The following SMC1B variants were observed in gnomAD, a reference collection of about 807,000 sequenced individuals.
SMC1B encodes the protein structural maintenance of chromosomes 1B.
A neutral mutation model predicts 157.9 loss-of-function variants in SMC1B; 60 were observed. The observed-to-expected ratio is 0.38, with a 90% CI of 0.31 to 0.47. The LOEUF (loss-of-function observed/expected upper bound fraction) is 0.47, where lower values mean the gene tolerates loss of function less well. SMC1B is among the 20% of genes least tolerant of loss of function. The probability of loss-of-function intolerance (pLI) is 0.99; values close to 1 mark genes in which losing one functional copy is unlikely to be tolerated. For synonymous variants in SMC1B, 445 were observed against 483.0 expected, an observed-to-expected ratio of 0.92 and a Z score of 1.03; for missense variants, 1,165 against 1,426.2, an observed-to-expected ratio of 0.82 and a Z score of 2.95.
chr22:45,393,598 T>C, intron 9 of SMC1B, 36 bp downstream of exon 9: 1 of 1,489,010 alleles, frequency 6.7e-7, no homozygotes, highest in Non-Finnish European at 9.2e-7. Flanking sequence ...GAAAGCTTAG[T>C]TTTTTTTGTT....
intron 23 of SMC1B, 145 bp from the exon 24 acceptor site, chr22:45,345,714 C>G (rs866091739): frequency 1.7e-6 from 1 of 588,644 alleles, no homozygotes; most frequent in South Asian, 2.1e-5. Context: ...AAATCCTCAA[C>G]AACTGCAGAA....
chr22:45,408,554 C>T (rs2087291151), intron 2 of SMC1B, among the ~76,000 whole-genome samples, 156 bp downstream of exon 2: 1 of 152,110 alleles, frequency 6.6e-6, no homozygotes, highest in Non-Finnish European at 1.5e-5. Flanking sequence ...CAAACAGGTT[C>T]TGTTACTTGC....
intron 13 of SMC1B, 25 bp downstream of exon 13, chr22:45,372,130 C>T (rs779988590): frequency 8.3e-6 from 13 of 1,560,884 alleles, no homozygotes; most frequent in Non-Finnish European, 1.0e-5. Context: ...AAATGCCTAT[C>T]ATATTTTATG....
chr22:45,403,391 C>T (rs2087218859), intron 4 of SMC1B, among the ~76,000 whole-genome samples: 1 of 152,174 alleles, frequency 6.6e-6, no homozygotes, highest in South Asian at 2.1e-4. Context: ...CTACTATGAG[C>T]CAGGTGCTGG....
intron 5 of SMC1B, 119 bp downstream of exon 5, chr22:45,402,214 A>G: frequency 1.3e-6 from 1 of 765,260 alleles, no homozygotes; most frequent in Non-Finnish European, 2.1e-6. Flanking sequence ...CTGTATATCT[A>G]AAAGTATTCC....
In SMC1B at chr22:45,362,940, T is replaced by C. The variant is rs2086736134; in HGVS notation, c.2507A>G (p.Asn836Ser). ...TTTCTGGATAGTTTCTTTTAATGTG[T>C]TGATCTTATTCAGTTTCTTCTTAAG... The part of the protein sequence containing the change: ...SHLKKKLNKI[N>S]TLKETIQKGS... Residue 836 changes from asparagine to serine, a missense_variant, in exon 16 of 25, where the codon AAC becomes AGC. By Grantham distance (46) the Asn-to-Ser change is conservative. Coordinates refer to ENST00000357450, the MANE Select transcript of SMC1B (RefSeq NM_148674.5). The C allele has an allele frequency of 1.2e-6, 2 of 1,604,052 alleles. No individual in the cohort carries two copies. The highest frequency in any genetic ancestry group is 1.7e-6 in the Non-Finnish European group (2 of 1,174,918).
intron 14 of SMC1B, among the ~76,000 whole-genome samples, chr22:45,371,268 T>G (rs560554561): frequency 6.6e-6 from 1 of 152,278 alleles, no homozygotes; most frequent in East Asian, 1.9e-4. Flanking sequence ...CAGGTCATTG[T>G]CTCTTGAGGT....
At chr22:45,358,617 C>T in intron 19 of SMC1B, 80 bp downstream of exon 19, 2 of 879,690 alleles carry the variant, frequency 2.3e-6, no homozygotes, top group South Asian at 1.8e-5. Flanking sequence ...AAACTTAATT[C>T]TATCATCCAA....
intron 24 of SMC1B, among the ~76,000 whole-genome samples, chr22:45,345,030 A>G (rs1474353394): frequency 6.6e-6 from 1 of 152,214 alleles, no homozygotes; most frequent in Non-Finnish European, 1.5e-5. Flanking sequence ...TTCACATTTT[A>G]GAAGTTACTA....
intron 15 of SMC1B, among the ~76,000 whole-genome samples, chr22:45,366,859 G>C (rs549490219): frequency 6.6e-6 from 1 of 152,070 alleles, no homozygotes; most frequent in African/African-American, 2.4e-5. Flanking sequence ...TTTCTCTTCT[G>C]TCTTTTCCTG....
chr22:45,398,451 T>A (rs2087152779), intron 6 of SMC1B, among the ~76,000 whole-genome samples: 1 of 152,016 alleles, frequency 6.6e-6, no homozygotes, highest in Admixed American at 6.6e-5. Context: ...TGACAGGGTG[T>A]CTCCTGCAGT....
chr22:45,408,681 TA>T, intron 2 of SMC1B, 28 bp downstream of exon 2: 1 of 1,508,668 alleles, frequency 6.6e-7, no homozygotes, highest in South Asian at 1.3e-5. Context: ...TCTTGAAAAA[TA>T]AAATGAAAAA....
intron 24 of SMC1B, 95 bp downstream of exon 24, chr22:45,345,364 A>G (rs940220613): frequency 1.5e-5 from 10 of 671,338 alleles, no homozygotes; most frequent in Non-Finnish European, 2.3e-5. Context: ...ATTAGACTCC[A>G]TTTGGAAGTT....
In SMC1B at chr22:45,367,335, G is replaced by T. The variant is rs138224018; in HGVS notation, c.2420+2619C>A. 4.1e-4 allele frequency among the ~76,000 whole-genome samples: 63 copies of T among 152,254 alleles called. 2 individuals carry two copies. In the East Asian group the frequency reaches 0.011, roughly 27 times the overall value. On this transcript the variant is annotated intron_variant, in intron 15 of 24. Coordinates refer to ENST00000357450, the MANE Select transcript of SMC1B (RefSeq NM_148674.5). ...CTCACTGCCTGCTTTTTGGCACCAG[G>T]TGATGCCTTAAGCTCAGGTTTGCTT...
intron 1 of SMC1B, among the ~76,000 whole-genome samples, chr22:45,410,065 A>C (rs1416357284): frequency 2.6e-5 from 4 of 152,212 alleles, no homozygotes; most frequent in Non-Finnish European, 5.9e-5. Context: ...TGGAGGAATG[A>C]AGCACTGAGT....
At chr22:45,401,798 T>C (rs1021811576) in intron 5 of SMC1B, among the ~76,000 whole-genome samples, 6 of 152,204 alleles carry the variant, frequency 3.9e-5, no homozygotes, top group African/African-American at 1.4e-4. Flanking sequence ...CCTCACTCCT[T>C]GTGTGTCTGC....
intron 8 of SMC1B, 65 bp downstream of exon 8, chr22:45,394,620 G>C: frequency 7.0e-7 from 1 of 1,428,782 alleles, no homozygotes; most frequent in Non-Finnish European, 9.2e-7. Flanking sequence ...TGGGCGATGG[G>C]AGTGAGACCC....
chr22:45,372,391 C>G, intron 12 of SMC1B, 99 bp from the exon 13 acceptor site: 1 of 989,642 alleles, frequency 1.0e-6, no homozygotes, highest in Non-Finnish European at 1.4e-6. Context: ...TTTTACATAC[C>G]ACCACACCTG....
At chr22:45,395,327 T>C (rs1335769477) in intron 7 of SMC1B, among the ~76,000 whole-genome samples, 1 of 152,204 alleles carries the variant, frequency 6.6e-6, no homozygotes, top group Non-Finnish European at 1.5e-5. Flanking sequence ...CACTTTATCA[T>C]TAAATCCAAC....
Sources: gnomAD v4.1 joint callset for allele counts (sites outside exome capture counted in the v4.1 genomes callset) on GRCh38, gnomAD v4.1.1 for gene constraint, MANE v1.5 for transcripts, NCBI Gene and HGNC (gene_info 2026-07-23, HGNC 2026-07-21) for gene names.